The following ARHGAP42 variants were observed in gnomAD, a reference collection of about 807,000 sequenced individuals.
ARHGAP42 encodes rho GTPase-activating protein 42.
In ARHGAP42, 63 loss-of-function variants were observed where a neutral mutation model predicts 125.0. That is an observed-to-expected ratio of 0.50 (90% CI 0.41 to 0.62). The LOEUF is 0.62. Among genes scored for constraint, ARHGAP42 ranks in the 20% least tolerant of loss-of-function variants. ARHGAP42 has a pLI of 0.00. For missense variants in ARHGAP42, 766 were observed against 1,024.2 expected (o/e 0.75, Z 3.44); for synonymous variants, 339 against 351.0 (o/e 0.97, Z 0.38).
rs142725608 is a variant in ARHGAP42, at chr11:100,893,158, G to GGTGTGTGTGTGTGTGT, written c.385-20279_385-20264dup. ...ATCCTTACTCAGAGAAACATTTAGG[G>GGTGTGTGTGTGTGTGT]GTGTGTGTGTGTGTGTGTGTGTGTG... On this transcript the variant is annotated intron_variant, in intron 4 of 23. Coordinates refer to ENST00000298815, the MANE Select transcript of ARHGAP42 (RefSeq NM_152432.4). Among the ~76,000 whole-genome samples the GGTGTGTGTGTGTGTGT allele has an allele frequency of 1.3e-3, 194 of 147,080 alleles. 1 individual carries two copies. Among genetic ancestry groups the GGTGTGTGTGTGTGTGT allele is most frequent in the East Asian group, 2.5e-3 (12 of 4,830 alleles).
intron 1 of ARHGAP42, 107 bp from the exon 2 acceptor site, chr11:100,770,236 T>A: frequency 1.3e-6 from 1 of 750,708 alleles, no homozygotes; most frequent in Non-Finnish European, 2.1e-6. Flanking sequence ...TAAAGGATTC[T>A]GGTTCATATA....
intron 4 of ARHGAP42, among the ~76,000 whole-genome samples, chr11:100,889,479 C>T (rs1184969953): frequency 1.3e-5 from 2 of 152,172 alleles, no homozygotes; most frequent in Non-Finnish European, 2.9e-5. Flanking sequence ...CTCCTACTGC[C>T]TTCATCTTGG....
intron 4 of ARHGAP42, among the ~76,000 whole-genome samples, chr11:100,872,457 G>A (rs1156742207): frequency 6.6e-6 from 1 of 151,986 alleles, no homozygotes; most frequent in African/African-American, 2.4e-5. Context: ...GTGCAGTGGT[G>A]CTATCTCAGT....
intron 3 of ARHGAP42, among the ~76,000 whole-genome samples, chr11:100,857,375 G>A (rs1349667465): frequency 6.6e-6 from 1 of 152,028 alleles, no homozygotes; most frequent in Non-Finnish European, 1.5e-5. Context: ...TTATTCTGAG[G>A]TCATATGTAT....
intron 2 of ARHGAP42, 31 bp downstream of exon 2, chr11:100,770,469 A>T (rs7944598): frequency 0.29 from 402,782 of 1,396,154 alleles, 61,115 homozygotes; most frequent in African/African-American, 0.37. Flanking sequence ...AAGTTCTATT[A>T]CTAATATTTA....
At chr11:100,804,874 G>T (rs1369315031) in intron 3 of ARHGAP42, among the ~76,000 whole-genome samples, 1 of 152,202 alleles carries the variant, frequency 6.6e-6, no homozygotes, top group Non-Finnish European at 1.5e-5. Context: ...TTTCGTGTGA[G>T]CCTCAAAAGA....
intron 1 of ARHGAP42, among the ~76,000 whole-genome samples, chr11:100,702,671 CT>C (rs200179100): frequency 0.23 from 30,757 of 133,642 alleles, 3,115 homozygotes; most frequent in East Asian, 0.44. Context: ...TATTTGTGTT[CT>C]TTTTTTTTTT....
chr11:100,700,970 TG>T (rs1284666823), intron 1 of ARHGAP42, among the ~76,000 whole-genome samples: 1 of 152,204 alleles, frequency 6.6e-6, no homozygotes. Flanking sequence ...CCTTACAAAA[TG>T]TATCTCTTAA....
At chr11:100,791,068 G>T (rs1004062184) in intron 2 of ARHGAP42, among the ~76,000 whole-genome samples, 8 of 152,122 alleles carry the variant, frequency 5.3e-5, no homozygotes, top group Non-Finnish European at 1.0e-4. Flanking sequence ...GGGTGCTGGG[G>T]GTAGTTATTT....
At chr11:100,876,210 G>T (rs750224470) in intron 4 of ARHGAP42, among the ~76,000 whole-genome samples, 1 of 152,100 alleles carries the variant, frequency 6.6e-6, no homozygotes, top group Non-Finnish European at 1.5e-5. Context: ...CAAATTTGTG[G>T]CTGAAAATAA....
In ARHGAP42 at chr11:100,974,586, G is replaced by T; in HGVS notation, c.1838G>T (p.Cys613Phe). The change falls in exon 19 of 24, where the codon TGC becomes TTC. Residue 613 changes from cysteine (C) to phenylalanine (F), a missense_variant. Around this residue, in one of 3 missense-constraint regions of ARHGAP42, gnomAD observed 308 missense variants for 369.7 expected, o/e 0.83. Transcript: ENST00000298815. The part of the protein sequence containing the change: ...SRKPRGRYTP[C>F]LAEPDSDSYS... ...AAGCCCAGAGGGAGGTATACTCCAT[G>T]CCTGGCCGAACCTGATAGTAAGTGC... 6.4e-7 allele frequency: 1 copy of T among 1,550,442 alleles called. No individual in the cohort carries two copies. Among genetic ancestry groups the T allele is most frequent in the East Asian group, 2.4e-5 (1 of 40,902 alleles).
chr11:100,797,423 G>T (rs1350413506), intron 3 of ARHGAP42, among the ~76,000 whole-genome samples: 4 of 152,158 alleles, frequency 2.6e-5, no homozygotes, highest in Non-Finnish European at 5.9e-5. Context: ...TGTAGCTGGT[G>T]ATTTTAAGTT....
At chr11:100,728,653 G>A (rs79571719) in intron 1 of ARHGAP42, among the ~76,000 whole-genome samples, 5,494 of 147,690 alleles carry the variant, frequency 0.037, 110 homozygotes, top group African/African-American at 0.07. Flanking sequence ...GAAGCAGTGT[G>A]TTAGGTTCAC....
At chr11:100,767,393 C>T (rs1331464608) in intron 1 of ARHGAP42, among the ~76,000 whole-genome samples, 1 of 152,204 alleles carries the variant, frequency 6.6e-6, no homozygotes, top group Non-Finnish European at 1.5e-5. Flanking sequence ...CTGCCTTCAG[C>T]ACTCATACTC....
intron 3 of ARHGAP42, among the ~76,000 whole-genome samples, chr11:100,827,920 G>C (rs529382792): frequency 6.6e-6 from 1 of 152,270 alleles, no homozygotes; most frequent in East Asian, 1.9e-4. Context: ...CAAAACATAG[G>C]TTCTCTCCTT....
intron 3 of ARHGAP42, among the ~76,000 whole-genome samples, chr11:100,814,953 G>A (rs973625185): frequency 6.6e-6 from 1 of 152,192 alleles, no homozygotes; most frequent in Admixed American, 6.5e-5. Context: ...ACTTAATCTT[G>A]TTCATTCTTC....
At chr11:100,744,844 T>G (rs975064398) in intron 1 of ARHGAP42, among the ~76,000 whole-genome samples, 2 of 152,178 alleles carry the variant, frequency 1.3e-5, no homozygotes, top group Non-Finnish European at 2.9e-5. Context: ...TCTTTTTAAT[T>G]CTCTGCAAGG....
At chr11:100,735,907 C>T (rs541359245) in intron 1 of ARHGAP42, among the ~76,000 whole-genome samples, 5 of 152,214 alleles carry the variant, frequency 3.3e-5, no homozygotes, top group African/African-American at 7.2e-5. Context: ...TGAGCTACCG[C>T]GCCCAGCAGA....
At chr11:100,772,700 G>A (rs974207987) in intron 2 of ARHGAP42, among the ~76,000 whole-genome samples, 3 of 152,150 alleles carry the variant, frequency 2.0e-5, no homozygotes, top group Non-Finnish European at 2.9e-5. Context: ...TGATATAAAC[G>A]TCTGGTCCTC....
Sources: gnomAD v4.1 joint callset for allele counts (sites outside exome capture counted in the v4.1 genomes callset) on GRCh38, gnomAD v4.1.1 for gene constraint, gnomAD v4.1.1 regional missense constraint, MANE v1.5 for transcripts, NCBI Gene and HGNC (gene_info 2026-07-23, HGNC 2026-07-21) for gene names.